Variants in HELLS observed in about 807,000 individuals in gnomAD.
HELLS encodes helicase, lymphoid specific.
Under a neutral mutation model 120.0 loss-of-function variants are expected in HELLS, and 32 were observed. That is an observed-to-expected ratio of 0.27 (90% CI 0.20 to 0.36). The LOEUF is 0.36. HELLS is among the 10% of genes least tolerant of loss of function. The pLI is 1.00. For missense variants in HELLS, 650 were observed against 993.4 expected, an observed-to-expected ratio of 0.65 and a Z score of 4.65; for synonymous variants, 341 against 323.4, an observed-to-expected ratio of 1.05 and a Z score of -0.58.
intron 12 of HELLS, chr10:94,584,239 A>G (rs758544485): frequency 4.2e-5 from 17 of 405,194 alleles, no homozygotes; most frequent in Non-Finnish European, 6.9e-5. Context: ...GTGTTGGAAT[A>G]TTTATTTATT....
At chr10:94,579,674 C>T (rs1238623846) in intron 10 of HELLS, among the ~76,000 whole-genome samples, 1 of 151,560 alleles carries the variant, frequency 6.6e-6, no homozygotes, top group Non-Finnish European at 1.5e-5. Flanking sequence ...CCTGAGTAGC[C>T]GGGACTACAG....
chr10:94,597,343 CT>C (rs1845788330), intron 21 of HELLS, among the ~76,000 whole-genome samples: 1 of 152,040 alleles, frequency 6.6e-6, no homozygotes, highest in African/African-American at 2.4e-5. Flanking sequence ...GTAAATAACA[CT>C]TGTAAATGAA....
chr10:94,601,383 T>G, intron 21 of HELLS, 145 bp from the exon 22 acceptor site: 1 of 539,054 alleles, frequency 1.9e-6, no homozygotes, highest in Non-Finnish European at 3.3e-6. Context: ...TCTTGGTGAT[T>G]AAGGAAGAGA....
chr10:94,589,590 T>C (rs1845358888), intron 13 of HELLS, among the ~76,000 whole-genome samples: 2 of 152,194 alleles, frequency 1.3e-5, no homozygotes, highest in African/African-American at 4.8e-5. Context: ...GGTTTTTTAT[T>C]GTACACTATA....
intron 6 of HELLS, among the ~76,000 whole-genome samples, chr10:94,568,410 T>A (rs780844753): frequency 1.6e-4 from 24 of 152,150 alleles, no homozygotes; most frequent in Non-Finnish European, 2.8e-4. Flanking sequence ...AACCAGTATC[T>A]ACTGTGTCAT....
chr10:94,573,372 T>C (rs916501452), intron 7 of HELLS, among the ~76,000 whole-genome samples: 1 of 152,222 alleles, frequency 6.6e-6, no homozygotes, highest in Non-Finnish European at 1.5e-5. Context: ...TATTAGAAGT[T>C]TGGAAGAGAG....
chr10:94,602,328 A>G (rs1358330206), downstream of HELLS, among the ~76,000 whole-genome samples: 1 of 152,198 alleles, frequency 6.6e-6, no homozygotes, highest in Non-Finnish European at 1.5e-5. Context: ...GTATCATGCA[A>G]AACAAGACAG....
chr10:94,571,397 T>A lies in HELLS; in HGVS notation c.445T>A (p.Ser149Thr), dbSNP rs1433426013. The change falls in exon 7 of 22, where the codon TCT becomes ACT. Residue 149 changes from serine (S) to threonine (T), a missense_variant. Around this residue, in one of 9 missense-constraint regions of HELLS, gnomAD observed 113 missense variants for 120.7 expected, o/e 0.94. Transcript: ENST00000348459. ...SEVMSKEEIL[S>T]VAKKNKKENE... ...TTTCTCAAACTACTAGGAAATTTTG[T>A]CTGTGGCTAAAAAAAATAAAAAGGA... The A allele has an allele frequency of 6.7e-7, 1 of 1,492,136 alleles. No homozygotes were observed. 92.4% of individuals were successfully genotyped at this position (1,492,136 alleles called of 1,614,324 possible). A position where few individuals can be genotyped will look rare whatever the true frequency, so the allele number is the denominator to read the frequency against.
At chr10:94,559,944 A>C (rs1380762891) in intron 4 of HELLS, among the ~76,000 whole-genome samples, 2 of 152,174 alleles carry the variant, frequency 1.3e-5, no homozygotes, top group African/African-American at 2.4e-5. Flanking sequence ...AGATAATGAG[A>C]GCTGACTCTA....
At chr10:94,562,030 C>T (rs1843582923) in intron 4 of HELLS, among the ~76,000 whole-genome samples, 1 of 151,756 alleles carries the variant, frequency 6.6e-6, no homozygotes, top group South Asian at 2.1e-4. Context: ...ATCTGCCCGC[C>T]TCTGCCTCCC....
At chr10:94,604,963 A>T (rs1846112266), downstream of HELLS, among the ~76,000 whole-genome samples, 2 of 149,404 alleles carry the variant, frequency 1.3e-5, no homozygotes, top group South Asian at 4.2e-4. Context: ...ACATTCTTCT[A>T]GTTTGGACTG....
intron 2 of HELLS, among the ~76,000 whole-genome samples, chr10:94,553,706 G>A (rs1421102779): frequency 6.6e-6 from 1 of 151,056 alleles, no homozygotes. Context: ...GCACCACCAC[G>A]CCTGGCTAAT....
At chr10:94,552,208 A>G (rs1843013953) in intron 2 of HELLS, among the ~76,000 whole-genome samples, 1 of 152,204 alleles carries the variant, frequency 6.6e-6, no homozygotes, top group South Asian at 2.1e-4. Context: ...AAAACAAAAT[A>G]CTAAAAAATC....
At chr10:94,586,606 T>C (rs1304253084) in intron 12 of HELLS, among the ~76,000 whole-genome samples, 1 of 152,194 alleles carries the variant, frequency 6.6e-6, no homozygotes, top group Non-Finnish European at 1.5e-5. Flanking sequence ...TGAGCTTTAT[T>C]ATATATGATT....
At chr10:94,548,862 C>T (rs764706387) in intron 2 of HELLS, among the ~76,000 whole-genome samples, 5 of 152,026 alleles carry the variant, frequency 3.3e-5, no homozygotes, top group African/African-American at 1.2e-4. Context: ...GATGTGGTGG[C>T]GCATACCTGC....
exon 10 of HELLS, chr10:94,612,586 C>T (rs1444346675): frequency 1.3e-5 from 2 of 152,044 alleles, no homozygotes; most frequent in African/African-American, 2.4e-5. Context: ...CAATGTAATC[C>T]TCATAAGTAA....
At chr10:94,594,608 A>G (rs1164510127) in intron 18 of HELLS, 87 bp from the exon 19 acceptor site, 2 of 980,124 alleles carry the variant, frequency 2.0e-6, no homozygotes, top group African/African-American at 1.6e-5. Context: ...GTTCCTGGCT[A>G]GATCATTCAT....
intron 9 of HELLS, among the ~76,000 whole-genome samples, chr10:94,608,889 A>G (rs1044485871): frequency 6.6e-6 from 1 of 152,012 alleles, no homozygotes; most frequent in Admixed American, 6.6e-5. Flanking sequence ...GCCTCAAGCA[A>G]TCTTCCTGTC....
intron 7 of HELLS, among the ~76,000 whole-genome samples, chr10:94,573,141 G>C (rs1301137724): frequency 7.8e-6 from 1 of 127,940 alleles, no homozygotes; most frequent in East Asian, 3.8e-4. Flanking sequence ...TGTATTTTTA[G>C]TAGAGACAGT....
Sources: gnomAD v4.1 joint callset for allele counts (sites outside exome capture counted in the v4.1 genomes callset) on GRCh38, gnomAD v4.1.1 for gene constraint, gnomAD v4.1.1 regional missense constraint, MANE v1.5 for transcripts, NCBI Gene and HGNC (gene_info 2026-07-23, HGNC 2026-07-21) for gene names.